The following HHAT variants were observed in gnomAD, a reference collection of about 807,000 sequenced individuals.
The protein encoded by HHAT is protein-cysteine N-palmitoyltransferase HHAT.
Under a neutral mutation model 70.8 loss-of-function variants are expected in HHAT, and 47 were observed. That is an observed-to-expected ratio of 0.66 (90% confidence interval 0.53 to 0.85). The LOEUF (loss-of-function observed/expected upper bound fraction) is 0.85. Among genes scored for constraint, HHAT ranks in the 40% least tolerant of loss-of-function variants. The probability of loss-of-function intolerance (pLI) is 0.00; values close to 1 mark genes in which losing one functional copy is unlikely to be tolerated. For synonymous variants in HHAT, 228 were observed against 247.6 expected (o/e 0.92, Z 0.74); for missense variants, 609 against 604.8 (o/e 1.01, Z -0.07).
intron 7 of HHAT, among the ~76,000 whole-genome samples, chr1:210,425,799 G>A (rs142270513): frequency 0.028 from 4,332 of 152,056 alleles, 213 homozygotes; most frequent in African/African-American, 0.1. Context: ...TGTTCTTTTT[G>A]CTTAGGATTG....
chr1:210,400,266 G>A (rs899855499), intron 4 of HHAT, among the ~76,000 whole-genome samples: 6 of 152,174 alleles, frequency 3.9e-5, no homozygotes, highest in Non-Finnish European at 8.8e-5. Flanking sequence ...GGGGGTTAAT[G>A]TGGAAAGTCC....
chr1:210,409,750 T>C (rs563580051), intron 6 of HHAT, among the ~76,000 whole-genome samples: 2 of 152,316 alleles, frequency 1.3e-5, no homozygotes, highest in Admixed American at 1.3e-4. Context: ...CATCAGAATA[T>C]ATTTGGGAGA....
chr1:210,504,623 T>G (rs1240416852), intron 8 of HHAT, among the ~76,000 whole-genome samples: 1 of 152,174 alleles, frequency 6.6e-6, no homozygotes, highest in Non-Finnish European at 1.5e-5. Flanking sequence ...AATGCCCAGA[T>G]CTCAAGCTTG....
intron 3 of HHAT, among the ~76,000 whole-genome samples, chr1:210,364,664 C>A (rs1049417115): frequency 3.3e-5 from 5 of 152,204 alleles, no homozygotes; most frequent in African/African-American, 1.2e-4. Flanking sequence ...CCAGACAAAG[C>A]GGCCTTGTCT....
Position 210,588,002 on chromosome 1 carries a change from A to T in HHAT, c.1148A>T (p.Asp383Val). The change falls in exon 10 of 12, where the codon GAC (aspartate) becomes GTC (valine). Residue 383 changes from aspartate (D) to valine (V), a missense_variant. Transcript: ENST00000261458. Reference protein sequence around the residue: ...AFVSYWHGGYDYLWCWAALNW... With the variant: ...AFVSYWHGGYVYLWCWAALNW... ...GTGAGCTACTGGCATGGCGGCTACG[A>T]CTACCTCTGGTGCTGGGCAGCGCTC... The T allele has an allele frequency of 6.2e-7, 1 of 1,614,086 alleles. No homozygotes were observed. Among genetic ancestry groups the T allele is most frequent in the Non-Finnish European group, 8.5e-7 (1 of 1,179,996 alleles).
chr1:210,667,347 A>C (rs1429346467), intron 11 of HHAT, among the ~76,000 whole-genome samples: 2 of 152,032 alleles, frequency 1.3e-5, no homozygotes, highest in Non-Finnish European at 1.5e-5. Flanking sequence ...GTGCCATTGC[A>C]CTCCAGCCTG....
intron 9 of HHAT, among the ~76,000 whole-genome samples, chr1:210,551,662 T>C (rs762613152): frequency 3.9e-5 from 6 of 152,258 alleles, no homozygotes; most frequent in Non-Finnish European, 7.3e-5. Context: ...TCTCTAGTCA[T>C]AAAACCATTT....
chr1:210,355,919 CATT>C (rs143158046), intron 2 of HHAT, among the ~76,000 whole-genome samples: 1,988 of 152,024 alleles, frequency 0.013, 50 homozygotes, highest in African/African-American at 0.046. Flanking sequence ...TTTTCTATTT[CATT>C]ATTATTATTT....
At chr1:210,340,381 T>C (rs1238759529) in intron 1 of HHAT, among the ~76,000 whole-genome samples, 1 of 151,754 alleles carries the variant, frequency 6.6e-6, no homozygotes, top group Non-Finnish European at 1.5e-5. Context: ...TTCATGAAAA[T>C]TGGACCCTGG....
In HHAT at chr1:210,643,997, A is replaced by G. The variant is rs546790819; in HGVS notation, c.1390+20327A>G. Reference sequence around the variant, plus strand: ...TCTGAAGAATTATTTAGAAATTTGGAGGTCCTCTGGCCCACCTCTCTCCCA... The same window carrying G: ...TCTGAAGAATTATTTAGAAATTTGGGGGTCCTCTGGCCCACCTCTCTCCCA... On this transcript the variant is annotated intron_variant, in intron 11 of 11. Coordinates refer to ENST00000261458, the MANE Select transcript of HHAT (RefSeq NM_018194.6). Among the ~76,000 whole-genome samples the G allele has an allele frequency of 1.8e-3, 277 of 152,106 alleles. 1 individual carries two copies. The highest frequency in any genetic ancestry group is 6.5e-3 in the African/African-American group (268 of 41,494).
intron 9 of HHAT, among the ~76,000 whole-genome samples, chr1:210,537,970 A>G (rs2095391081): frequency 6.6e-6 from 1 of 152,140 alleles, no homozygotes; most frequent in Non-Finnish European, 1.5e-5. Context: ...GATGATATAA[A>G]AATTTTTCAG....
At chr1:210,657,336 C>T (rs1676659530) in intron 11 of HHAT, among the ~76,000 whole-genome samples, 1 of 152,204 alleles carries the variant, frequency 6.6e-6, no homozygotes, top group Non-Finnish European at 1.5e-5. Flanking sequence ...CTCCACAATA[C>T]CTCCAGCTTT....
rs1056182652 is a variant in HHAT, at chr1:210,612,108, A to G, written c.1246-11418A>G. Among the ~76,000 whole-genome samples the G allele has an allele frequency of 3.3e-5, 5 of 152,254 alleles. No homozygotes were observed. The East Asian group carries it at 5.8e-4, about 18-fold the overall frequency. ...TGGCCCACCTGCGTTTGAAAACTGC[A>G]TGTATTCACTCTTCCATGTATCTAT... On this transcript the variant is annotated intron_variant, in intron 10 of 11. Transcript: ENST00000261458.
chr1:210,419,998 TA>T (rs1459093916), intron 7 of HHAT, among the ~76,000 whole-genome samples: 2 of 152,206 alleles, frequency 1.3e-5, no homozygotes, highest in Non-Finnish European at 2.9e-5. Flanking sequence ...CTAGGGGTAG[TA>T]AATTATGTGA....
intron 9 of HHAT, among the ~76,000 whole-genome samples, chr1:210,552,340 T>A (rs1200766074): frequency 6.6e-6 from 1 of 152,202 alleles, no homozygotes; most frequent in Non-Finnish European, 1.5e-5. Flanking sequence ...TGTAGGTAAC[T>A]TACATGTCCG....
At chr1:210,617,957 T>C (rs1197489650) in intron 10 of HHAT, among the ~76,000 whole-genome samples, 1 of 152,182 alleles carries the variant, frequency 6.6e-6, no homozygotes, top group East Asian at 1.9e-4. Flanking sequence ...CTGTAACTTA[T>C]TTAGGGCAAA....
At chr1:210,639,285 C>CA (rs1018510052) in intron 11 of HHAT, among the ~76,000 whole-genome samples, 17 of 151,502 alleles carry the variant, frequency 1.1e-4, no homozygotes, top group South Asian at 2.1e-4. Flanking sequence ...AAACAAAATA[C>CA]AAAAAAAAAC....
chr1:210,470,871 C>G (rs2094192240), intron 8 of HHAT, among the ~76,000 whole-genome samples: 1 of 152,312 alleles, frequency 6.6e-6, no homozygotes, highest in Non-Finnish European at 1.5e-5. Context: ...GTTTCCTTCT[C>G]TGTAAGATGG....
At chr1:210,481,798 G>A (rs922004260) in intron 8 of HHAT, among the ~76,000 whole-genome samples, 5 of 152,220 alleles carry the variant, frequency 3.3e-5, no homozygotes, top group Non-Finnish European at 5.9e-5. Context: ...AGGATTGAGT[G>A]TCAATGAATG....
Sources: allele counts gnomAD v4.1 joint callset (sites outside exome capture counted in the v4.1 genomes callset), GRCh38; gene constraint gnomAD v4.1.1; transcripts MANE v1.5; gene names NCBI Gene and HGNC (gene_info 2026-07-23, HGNC 2026-07-21).